The following ASB3 variants were observed in gnomAD, a reference collection of about 807,000 sequenced individuals.
The protein encoded by ASB3 is ankyrin repeat and SOCS box containing 3, also known as ankyrin repeat and SOCS box protein 3.
ASB3 carries 41 observed loss-of-function variants against 54.5 expected under a neutral mutation model. The ratio of observed to expected loss-of-function variants is 0.75; its 90% CI spans 0.59 to 0.98. ASB3 has a LOEUF of 0.98. ASB3 is among the 50% of genes least tolerant of loss of function. The pLI, the probability that ASB3 is intolerant of heterozygous loss-of-function variation, is 0.00. For missense variants in ASB3, 733 were observed against 620.0 expected (o/e 1.18, Z -1.94); for synonymous variants, 266 against 221.2 (o/e 1.20, Z -1.80).
intron 7 of ASB3, among the ~76,000 whole-genome samples, chr2:53,704,393 T>A (rs190081727): frequency 2.0e-5 from 3 of 151,474 alleles, no homozygotes; most frequent in African/African-American, 4.9e-5. Flanking sequence ...AAATAACATA[T>A]GATAGCTATT....
At chr2:53,728,886 A>G (rs777762117) in intron 4 of ASB3, 39 bp from the exon 5 acceptor site, 8 of 1,544,768 alleles carry the variant, frequency 5.2e-6, no homozygotes, top group Non-Finnish European at 6.1e-6. Context: ...GAAAAAAACA[A>G]AGAAAATAGA....
intron 1 of ASB3, among the ~76,000 whole-genome samples, chr2:53,773,668 A>G (rs548801201): frequency 6.6e-6 from 1 of 151,538 alleles, no homozygotes; most frequent in African/African-American, 2.4e-5. Flanking sequence ...TGACCTCGTG[A>G]TCCACTCACC....
intron 3 of ASB3, among the ~76,000 whole-genome samples, chr2:53,736,601 A>T (rs967883390): frequency 6.6e-6 from 1 of 151,978 alleles, no homozygotes; most frequent in Admixed American, 6.6e-5. Flanking sequence ...TGGGAGGCCG[A>T]GGCAGGAGAA....
chr2:53,749,927 A>G (rs1017353841), intron 3 of ASB3, among the ~76,000 whole-genome samples: 2 of 152,106 alleles, frequency 1.3e-5, no homozygotes, highest in African/African-American at 4.8e-5. Context: ...GAATTTTACT[A>G]AAGTACATAA....
chr2:53,673,856 G>A (rs1667946950), intron 9 of ASB3, among the ~76,000 whole-genome samples: 1 of 152,186 alleles, frequency 6.6e-6, no homozygotes, highest in Non-Finnish European at 1.5e-5. Context: ...GAGCACAACA[G>A]ATCACTGGCC....
rs574241502 is a variant in ASB3, at chr2:53,743,461, G to T, written c.355+7322C>A. On this transcript the variant is annotated intron_variant, in intron 3 of 9. Coordinates refer to ENST00000263634, the MANE Select transcript of ASB3 (RefSeq NM_016115.5). ...TAAACTTCTAAGCTATTTAACCGTG[G>T]AACTAAGAATAAAGTTAAATGATGC... Among the ~76,000 whole-genome samples, 26 of 152,200 alleles carry T rather than the reference G, an allele frequency of 1.7e-4. No homozygotes were observed. The South Asian group carries it at 5.4e-3, about 32-fold the overall frequency.
intron 3 of ASB3, among the ~76,000 whole-genome samples, chr2:53,735,121 TGTTA>T (rs1300068371): frequency 1.3e-5 from 2 of 152,112 alleles, no homozygotes; most frequent in African/African-American, 4.8e-5. Context: ...TGTTTCACCA[TGTTA>T]GTTAGGCTGG....
intron 9 of ASB3, among the ~76,000 whole-genome samples, chr2:53,691,447 A>T (rs1159085377): frequency 1.3e-5 from 2 of 152,188 alleles, no homozygotes; most frequent in Non-Finnish European, 2.9e-5. Flanking sequence ...CTTTTCAAAA[A>T]AAAATTTTTA....
chr2:53,691,929 A>T (rs1046395514), intron 9 of ASB3, among the ~76,000 whole-genome samples: 4 of 152,204 alleles, frequency 2.6e-5, no homozygotes, highest in African/African-American at 9.6e-5. Flanking sequence ...GGAGAGGGAT[A>T]AAAAGCCTTT....
At chr2:53,671,631 T>C (rs970062482) in intron 9 of ASB3, among the ~76,000 whole-genome samples, 7 of 151,956 alleles carry the variant, frequency 4.6e-5, no homozygotes, top group African/African-American at 1.7e-4. Flanking sequence ...TGGTGGCACA[T>C]GCCTGTAATC....
At chr2:53,737,195 G>A (rs1008036028) in intron 3 of ASB3, among the ~76,000 whole-genome samples, 19 of 152,096 alleles carry the variant, frequency 1.2e-4, no homozygotes, top group African/African-American at 3.6e-4. Context: ...TGTGATTCCC[G>A]AGAGAAGTGA....
intron 2 of ASB3, among the ~76,000 whole-genome samples, chr2:53,752,588 T>C (rs1193418801): frequency 6.6e-6 from 1 of 152,234 alleles, no homozygotes; most frequent in Non-Finnish European, 1.5e-5. Context: ...GCACGGAATT[T>C]TTCGCCCCCA....
At position 53,700,274 on chromosome 2, in the gene ASB3, G is replaced by C; in HGVS notation, c.1235C>G (p.Ser412Cys). The C allele has an allele frequency of 1.2e-6, 2 of 1,612,258 alleles. No homozygotes were observed. Among genetic ancestry groups the C allele is most frequent in the Non-Finnish European group, 1.7e-6 (2 of 1,179,100 alleles). Residue 412 changes from serine (S) to cysteine (C), a missense_variant, in exon 8 of 10, where the codon TCT becomes TGT. Physicochemically the swap from Ser to Cys is moderately radical, Grantham distance 112. Coordinates refer to ENST00000263634, the MANE Select transcript of ASB3 (RefSeq NM_016115.5). ...CGACTATGGTAGAATTTCTTACCAA[G>C]AATTGCACAGTAGAATCAGTGGGTC... ...GFDPLILLCNSWIDSVSIDTL... is the reference protein window; with the variant it reads ...GFDPLILLCNCWIDSVSIDTL...
intron 5 of ASB3, among the ~76,000 whole-genome samples, chr2:53,723,206 C>T (rs763797939): frequency 6.6e-5 from 10 of 152,036 alleles, no homozygotes; most frequent in South Asian, 2.1e-4. Context: ...CACAAACAAA[C>T]GGAAAACGCT....
chr2:53,681,142 C>A (rs1483851329), intron 9 of ASB3, among the ~76,000 whole-genome samples: 4 of 152,158 alleles, frequency 2.6e-5, no homozygotes, highest in African/African-American at 9.7e-5. Flanking sequence ...TTAATGGACA[C>A]CAGTTGCTTC....
chr2:53,701,176 T>C (rs1195224400), intron 7 of ASB3, among the ~76,000 whole-genome samples: 4 of 152,194 alleles, frequency 2.6e-5, no homozygotes, highest in Non-Finnish European at 5.9e-5. Flanking sequence ...AGTCTCACTA[T>C]GTTGCCCAGG....
rs1391078214 is a variant in ASB3 at position 53,716,707 on chromosome 2, G to A, written c.641C>T (p.Thr214Ile). ...CTCTTGAGCAGCAATGAACAAGGGTGTAGCTTTGTCCAAGGCTTGACAATT... is the reference window on the plus strand; with the variant it reads ...CTCTTGAGCAGCAATGAACAAGGGTATAGCTTTGTCCAAGGCTTGACAATT... ...NVNCQALDKA[T>I]PLFIAAQEGH... Residue 214 changes from threonine to isoleucine, a missense_variant, in exon 6 of 10, where the codon ACA (threonine) becomes ATA (isoleucine). By Grantham distance (89) the Thr-to-Ile change is moderately conservative. Transcript: ENST00000263634. The A allele has an allele frequency of 1.9e-6, 3 of 1,614,026 alleles. No individual in the cohort carries two copies. The highest frequency in any genetic ancestry group is 2.5e-6 in the Non-Finnish European group (3 of 1,179,948).
At chr2:53,739,445 T>C (rs953247707) in intron 3 of ASB3, among the ~76,000 whole-genome samples, 3 of 152,234 alleles carry the variant, frequency 2.0e-5, no homozygotes, top group South Asian at 4.1e-4. Flanking sequence ...ATAATGATCA[T>C]TGTTTAATAT....
chr2:53,724,789 T>C (rs2103884699), intron 5 of ASB3, among the ~76,000 whole-genome samples: 1 of 151,942 alleles, frequency 6.6e-6, no homozygotes, highest in African/African-American at 2.4e-5. Context: ...AAACAACAGA[T>C]GCTAGAGAGG....
Sources: gnomAD v4.1 joint callset for allele counts (sites outside exome capture counted in the v4.1 genomes callset) on GRCh38, gnomAD v4.1.1 for gene constraint, MANE v1.5 for transcripts, NCBI Gene and HGNC (gene_info 2026-07-23, HGNC 2026-07-21) for gene names.